The following SLC31A2 variants were observed in gnomAD, a reference collection of about 807,000 sequenced individuals.
SLC31A2 encodes protein SLC31A2.
A neutral mutation model predicts 14.4 loss-of-function variants in SLC31A2; 16 were observed. The observed-to-expected ratio is 1.11, with a 90% confidence interval of 0.75 to 1.69. The LOEUF (loss-of-function observed/expected upper bound fraction) is 1.69, where lower values mean the gene tolerates loss of function less well. Among genes scored for constraint, SLC31A2 ranks in the 40% most tolerant of loss-of-function variants. SLC31A2 has a pLI of 0.00. For synonymous variants in SLC31A2, 56 were observed against 68.7 expected, an observed-to-expected ratio of 0.82 and a Z score of 0.91; for missense variants, 140 against 173.9, an observed-to-expected ratio of 0.81 and a Z score of 1.10.
At chr9:113,160,152 A>G (rs1201286265) in intron 2 of SLC31A2, among the ~76,000 whole-genome samples, 1 of 152,156 alleles carries the variant, frequency 6.6e-6, no homozygotes, top group East Asian at 1.9e-4. Context: ...CAGTGAGCCA[A>G]GATTGCGCCA....
intron 2 of SLC31A2, 143 bp downstream of exon 2, chr9:113,157,936 T>C: frequency 1.4e-6 from 1 of 719,738 alleles, no homozygotes; most frequent in Non-Finnish European, 2.6e-6. Context: ...ACTTCACAGT[T>C]ATAATTCCAT....
In SLC31A2 at chr9:113,164,078, TG is replaced by T. The variant is rs1830061088; in HGVS notation, c.*1162del. The stretch of plus-strand genomic sequence containing the variant: ...CTCACAGATTAGATGAAAAGATGGT[TG>T]TAAGCTTTGGGAATTAAAAACAAAC... On this transcript the variant is annotated 3_prime_UTR_variant, in exon 4 of 4. Coordinates refer to ENST00000259392, the MANE Select transcript of SLC31A2 (RefSeq NM_001860.3). The T allele has an allele frequency of 6.6e-6, 1 of 151,178 alleles. No homozygotes were observed. Among genetic ancestry groups the T allele is most frequent in the Admixed American group, 6.7e-5 (1 of 14,982 alleles). 9.4% of individuals were successfully genotyped at this position (151,178 alleles called of 1,614,324 possible). A position where few individuals can be genotyped will look rare whatever the true frequency, so the allele number is the denominator to read the frequency against.
intron 1 of SLC31A2, chr9:113,155,881 G>C: frequency 3.1e-6 from 1 of 319,482 alleles, no homozygotes; most frequent in South Asian, 2.5e-5. Context: ...ACTGAGGCCA[G>C]AGAGAGGCCC....
intron 3 of SLC31A2, 121 bp downstream of exon 3, chr9:113,161,819 G>C (rs1478887727): frequency 8.8e-7 from 1 of 1,134,908 alleles, no homozygotes. Context: ...GAAGGACCAG[G>C]ACTTGCCAAA....
rs959207475 is a variant in SLC31A2 at position 113,151,357 on chromosome 9, G to T, written c.6+277G>T. On this transcript the variant is annotated intron_variant, in intron 1 of 3. Transcript: ENST00000259392. The surrounding 1 kb of genome is among the most constrained non-coding windows in gnomAD (Gnocchi z 4.2). ...CGCGGTGGCGCGGCTTGAGAGTGGG[G>T]GCGCGGTGGCTGAAGACAGCTGGGT... Among the ~76,000 whole-genome samples the T allele has an allele frequency of 1.3e-5, 2 of 152,020 alleles. No individual in the cohort carries two copies. Among genetic ancestry groups the T allele is most frequent in the Non-Finnish European group, 2.9e-5 (2 of 67,988 alleles).
intron 1 of SLC31A2, among the ~76,000 whole-genome samples, chr9:113,157,154 G>T (rs550804594): frequency 6.6e-6 from 1 of 152,318 alleles, no homozygotes; most frequent in African/African-American, 2.4e-5. Context: ...AACTCACCAA[G>T]GTCAGAGACA....
chr9:113,162,037 CCAGGAGGGGATCTG>C (rs937627004), intron 3 of SLC31A2: 92 of 394,366 alleles, frequency 2.3e-4, no homozygotes, highest in Non-Finnish European at 3.9e-4. Context: ...GCTCCCATAT[CCAGGAGGGGATCTG>C]CAGCTGTCCT....
At chr9:113,162,348 G>A (rs1830027052) in intron 3 of SLC31A2, 1 of 215,824 alleles carries the variant, frequency 4.6e-6, no homozygotes, top group Non-Finnish European at 9.2e-6. Flanking sequence ...GTTAGTGGCA[G>A]GTCTAGGAAC....
chr9:113,162,736 C>G lies in SLC31A2; in HGVS notation c.264-13C>G, dbSNP rs1160899708. On this transcript the variant is annotated splice_polypyrimidine_tract_variant and intron_variant, in intron 3 of 3. Coordinates refer to ENST00000259392, the MANE Select transcript of SLC31A2 (RefSeq NM_001860.3). ...TCATTACCAGGATTAACTTGCTTCT[C>G]CTTTTTATCTAGGTGGTATTTGTGT... 1 of 1,605,336 alleles carries G rather than the reference C, an allele frequency of 6.2e-7. No individual in the cohort carries two copies. Among genetic ancestry groups the G allele is most frequent in the East Asian group, 2.2e-5 (1 of 44,644 alleles).
chr9:113,161,325 T>C, intron 2 of SLC31A2, 184 bp from the exon 3 acceptor site: 1 of 613,986 alleles, frequency 1.6e-6, no homozygotes, highest in Non-Finnish European at 2.8e-6. Flanking sequence ...CTTCCTGATC[T>C]CAAAGCCACA....
Position 113,163,668 on chromosome 9 carries a change from C to CTGA in SLC31A2, c.*753_*755dup, listed in dbSNP as rs35913692. On this transcript the variant is annotated 3_prime_UTR_variant, in exon 4 of 4. Coordinates refer to ENST00000259392, the MANE Select transcript of SLC31A2 (RefSeq NM_001860.3). ...TGCTTTCAGGCTCCTGGTTTATTCTCTGATAGACTGAGCTCCTTCCACCAG... is the reference window on the plus strand; with the variant it reads ...TGCTTTCAGGCTCCTGGTTTATTCTCTGATGATAGACTGAGCTCCTTCCACCAG... The CTGA allele has an allele frequency of 5.3e-5, 8 of 152,212 alleles. No homozygotes were observed. The highest frequency in any genetic ancestry group is 3.9e-4 in the East Asian group (2 of 5,180). The allele number at this position is 152,212 out of a possible 1,614,324, so 9.4% of individuals were successfully genotyped here. A position where few individuals can be genotyped will look rare whatever the true frequency, so the allele number is the denominator to read the frequency against.
intron 1 of SLC31A2, among the ~76,000 whole-genome samples, chr9:113,155,254 G>A (rs562338791): frequency 6.6e-6 from 1 of 152,294 alleles, no homozygotes; most frequent in East Asian, 1.9e-4. Flanking sequence ...GCTGCCCCTT[G>A]GACTTCCAGT....
At position 113,163,397 on chromosome 9, in the gene SLC31A2, C is replaced by G. The variant is rs1830048372; in HGVS notation, c.*480C>G. 1 of 153,034 alleles carries G rather than the reference C, an allele frequency of 6.5e-6. No homozygotes were observed. The highest frequency in any genetic ancestry group is 1.5e-5 in the Non-Finnish European group (1 of 68,326). The allele number at this position is 153,034 out of a possible 1,614,324, so 9.5% of individuals were successfully genotyped here. ...TTGAGGGACAGAGACCAAGCTAGAT[C>G]CTTTTTCTCACCTTTCTGCCTTTGG... On this transcript the variant is annotated 3_prime_UTR_variant, in exon 4 of 4. Transcript: ENST00000259392.
At chr9:113,159,564 C>A (rs1326688015) in intron 2 of SLC31A2, among the ~76,000 whole-genome samples, 1 of 152,058 alleles carries the variant, frequency 6.6e-6, no homozygotes, top group East Asian at 1.9e-4. Context: ...GAAAAAAAAC[C>A]CAACTTTTTC....
rs201957694 is a variant in SLC31A2, at chr9:113,162,737, C to T, written c.264-12C>T. 125 of 1,605,414 alleles carry T rather than the reference C, an allele frequency of 7.8e-5. No individual in the cohort carries two copies. The African/African-American group carries it at 1.4e-3, about 17-fold the overall frequency. On this transcript the variant is annotated splice_polypyrimidine_tract_variant and intron_variant, in intron 3 of 3. Transcript: ENST00000259392. Reference sequence around the variant, plus strand: ...CATTACCAGGATTAACTTGCTTCTCCTTTTTATCTAGGTGGTATTTGTGTC... The same window carrying T: ...CATTACCAGGATTAACTTGCTTCTCTTTTTTATCTAGGTGGTATTTGTGTC...
At position 113,151,029 on chromosome 9, in the gene SLC31A2, C is replaced by G. The variant is rs749077461; in HGVS notation, c.-46C>G. 3 of 1,297,520 alleles carry G rather than the reference C, an allele frequency of 2.3e-6. No homozygotes were observed. Among genetic ancestry groups the G allele is most frequent in the East Asian group, 5.9e-5 (2 of 33,798 alleles). The allele number at this position is 1,297,520 out of a possible 1,614,324, so 80.4% of individuals were successfully genotyped here. On this transcript the variant is annotated 5_prime_UTR_variant, in exon 1 of 4. Transcript: ENST00000259392. The surrounding 1 kb of genome is among the most constrained non-coding windows in gnomAD (Gnocchi z 4.2). The stretch of plus-strand genomic sequence containing the variant: ...GTTGAACTGACTCGGAGCGAGGAGA[C>G]CCGAGCGAGCAGACGCGGCCCTGGC...
Position 113,162,961 on chromosome 9 carries a change from C to G in SLC31A2, c.*44C>G, listed in dbSNP as rs778009627. On this transcript the variant is annotated 3_prime_UTR_variant, in exon 4 of 4. Transcript: ENST00000259392. ...GCACTGAGGCTGGAGGGACATGGAGCCCCCTCTTCCAGACACTATACTTCC... is the reference window on the plus strand; with the variant it reads ...GCACTGAGGCTGGAGGGACATGGAGGCCCCTCTTCCAGACACTATACTTCC... The G allele has an allele frequency of 3.3e-6, 5 of 1,513,192 alleles. No individual in the cohort carries two copies. In the Admixed American group the frequency reaches 8.0e-5, roughly 24 times the overall value. The allele number at this position is 1,513,192 out of a possible 1,614,324, so 93.7% of individuals were successfully genotyped here.
In SLC31A2 at chr9:113,161,718, G is replaced by A. The variant is rs374402017; in HGVS notation, c.263+20G>A. ...CCACAGGTACAGGCAGTGGGTATGG[G>A]AAAGGGGCAGAAGCCTCACATTCAC... On this transcript the variant is annotated intron_variant, in intron 3 of 3. Transcript: ENST00000259392. 8.7e-6 allele frequency: 14 copies of A among 1,611,906 alleles called. No homozygotes were observed. Among genetic ancestry groups the A allele is most frequent in the Non-Finnish European group, 1.2e-5 (14 of 1,178,454 alleles).
intron 1 of SLC31A2, among the ~76,000 whole-genome samples, chr9:113,154,687 C>G (rs771294802): frequency 6.6e-6 from 1 of 152,186 alleles, no homozygotes; most frequent in Non-Finnish European, 1.5e-5. Flanking sequence ...GTGATTCACC[C>G]GGGACTGACT....
Sources: allele counts gnomAD v4.1 joint callset (sites outside exome capture counted in the v4.1 genomes callset), GRCh38; gene constraint gnomAD v4.1.1; non-coding constraint Gnocchi (gnomAD v3.1); transcripts MANE v1.5; gene names NCBI Gene and HGNC (gene_info 2026-07-23, HGNC 2026-07-21).